TMIGD1: variants seen among roughly 807,000 people sequenced by gnomAD.
TMIGD1 encodes transmembrane and immunoglobulin domain-containing protein 1.
TMIGD1 carries 29 observed loss-of-function variants against 27.5 expected under a neutral mutation model. That is an observed-to-expected ratio of 1.05 (90% CI 0.78 to 1.44). The LOEUF (loss-of-function observed/expected upper bound fraction) is 1.44. TMIGD1 is among the 40% of genes most tolerant of loss of function. The pLI is 0.00. For synonymous variants in TMIGD1, 109 were observed against 110.3 expected (o/e 0.99, Z 0.07); for missense variants, 334 against 310.6 (o/e 1.08, Z -0.57).
At chr17:30,326,132 G>A (rs1437172124) in intron 3 of TMIGD1, among the ~76,000 whole-genome samples, 2 of 152,114 alleles carry the variant, frequency 1.3e-5, no homozygotes, top group African/African-American at 4.8e-5. Flanking sequence ...GAATGAGCTC[G>A]AATTCTGTAT....
chr17:30,317,318 AGGTGTGTGTCCTGTG>A, intron 5 of TMIGD1, 85 bp from the exon 6 acceptor site: 1 of 1,489,236 alleles, frequency 6.7e-7, no homozygotes, highest in Non-Finnish European at 9.3e-7. Context: ...GCTCGAGGAC[AGGTGTGTGTCCTGTG>A]CACACCTCTG....
chr17:30,328,758 C>T (rs940836508), intron 3 of TMIGD1, among the ~76,000 whole-genome samples: 4 of 151,928 alleles, frequency 2.6e-5, no homozygotes, highest in African/African-American at 9.7e-5. Flanking sequence ...GAGCTTGAGA[C>T]CAGCCTGGCC....
intron 1 of TMIGD1, among the ~76,000 whole-genome samples, chr17:30,332,924 C>A (rs1910026556): frequency 6.6e-6 from 1 of 152,092 alleles, no homozygotes; most frequent in Non-Finnish European, 1.5e-5. Context: ...TTACATACAT[C>A]ATTTCAGTCA....
chr17:30,327,766 G>T (rs1597684801), intron 3 of TMIGD1, among the ~76,000 whole-genome samples: 1 of 151,622 alleles, frequency 6.6e-6, no homozygotes. Flanking sequence ...TAGAAATAGG[G>T]TCTCACTATG....
chr17:30,316,759 C>A lies in TMIGD1; in HGVS notation c.786-69G>T, dbSNP rs1208147870. The stretch of plus-strand genomic sequence containing the variant: ...TAAGAAAAAAATTCAAAACAAAACC[C>A]ATACTCTCTGACAACATGCCTTTGT... On this transcript the variant is annotated intron_variant, in intron 6 of 6. Coordinates refer to ENST00000328886, the MANE Select transcript of TMIGD1 (RefSeq NM_206832.3). 6 of 1,435,596 alleles carry A rather than the reference C, an allele frequency of 4.2e-6. No individual in the cohort carries two copies. In the East Asian group the frequency reaches 1.4e-4, roughly 33 times the overall value. The allele number at this position is 1,435,596 out of a possible 1,614,324, so 88.9% of individuals were successfully genotyped here. A position where few individuals can be genotyped will look rare whatever the true frequency, so the allele number is the denominator to read the frequency against.
At chr17:30,320,307 A>G (rs1184096777) in intron 4 of TMIGD1, among the ~76,000 whole-genome samples, 1 of 152,062 alleles carries the variant, frequency 6.6e-6, no homozygotes, top group East Asian at 1.9e-4. Context: ...AAGTGCTTGG[A>G]TTACAGGTAT....
rs146094805 is a variant in TMIGD1 at position 30,329,328 on chromosome 17, T to C, written c.284A>G (p.Asn95Ser). Reference sequence around the variant, plus strand: ...GCAGGTAAAGCTGATTCCGTTGTCATTTTCACTGATGGAAGAGACACAGAC... The same window carrying C: ...GCAGGTAAAGCTGATTCCGTTGTCACTTTCACTGATGGAAGAGACACAGAC... Reference protein sequence around the residue: ...SSVCVSSISENDNGISFTCRL... With the variant: ...SSVCVSSISESDNGISFTCRL... Residue 95 changes from asparagine to serine, a missense_variant, in exon 3 of 7, where the codon AAT becomes AGT. Asn to Ser is a conservative substitution (Grantham distance 46, BLOSUM62 1). Transcript: ENST00000328886. 27 of 1,614,086 alleles carry C rather than the reference T, an allele frequency of 1.7e-5. No individual in the cohort carries two copies. In the African/African-American group the frequency reaches 3.3e-4, roughly 20 times the overall value.
At position 30,324,900 on chromosome 17, in the gene TMIGD1, C is replaced by G. The variant is rs757429740; in HGVS notation, c.556G>C (p.Glu186Gln). 2 of 1,614,168 alleles carry G rather than the reference C, an allele frequency of 1.2e-6. No individual in the cohort carries two copies. Among genetic ancestry groups the G allele is most frequent in the Non-Finnish European group, 8.5e-7 (1 of 1,180,014 alleles). ...CTGTAGGTTCCGTTGTCAGGCTTCT[C>G]GACTTTGGTGATTGACAGCTGAAAA... ...ESFQLSITKV[E>Q]KPDNGTYSCI... The change falls in exon 4 of 7, where the codon GAG becomes CAG. Residue 186 changes from glutamate to glutamine, a missense_variant. By Grantham distance (29) the Glu-to-Gln change is conservative. Coordinates refer to ENST00000328886, the MANE Select transcript of TMIGD1 (RefSeq NM_206832.3).
intron 4 of TMIGD1, among the ~76,000 whole-genome samples, chr17:30,323,248 G>A (rs1278083392): frequency 6.6e-6 from 1 of 152,166 alleles, no homozygotes; most frequent in Non-Finnish European, 1.5e-5. Flanking sequence ...CCCTTGTCCT[G>A]TTTTATGGTC....
chr17:30,317,261 C>T (rs375807285), intron 5 of TMIGD1, 28 bp from the exon 6 acceptor site: 20 of 1,613,762 alleles, frequency 1.2e-5, no homozygotes, highest in Non-Finnish European at 1.5e-5. Context: ...AGTAAATTAG[C>T]CTGCTTTTTA....
chr17:30,331,771 G>T (rs189027715), intron 2 of TMIGD1, among the ~76,000 whole-genome samples: 1 of 152,162 alleles, frequency 6.6e-6, no homozygotes, highest in East Asian at 1.9e-4. Context: ...TGTATTTTTA[G>T]TAGAGATGGG....
intron 4 of TMIGD1, among the ~76,000 whole-genome samples, chr17:30,319,261 A>AAAAAATATATATAT: frequency 5.8e-5 from 4 of 69,046 alleles, no homozygotes; most frequent in African/African-American, 9.1e-5. Flanking sequence ...AAAAAAAAAA[A>AAAAAATATATATAT]ATATATATAT....
Position 30,324,860 on chromosome 17 carries a change from G to T in TMIGD1, c.596C>A (p.Ser199Ter). The change falls in exon 4 of 7, where the codon TCA (serine) becomes TAA (stop). Residue 199 changes from serine to a stop codon, truncating the protein, a stop_gained. Coordinates refer to ENST00000328886, the MANE Select transcript of TMIGD1 (RefSeq NM_206832.3). LOFTEE classifies it high-confidence loss of function. ...DNGTYSCIAK[S>*]SLKTESLDFH... ...GTCCAAGCTCTCCGTTTTCAGAGAT[G>T]ACTTTGCAATACAACTGTAGGTTCC... The T allele has an allele frequency of 6.2e-7, 1 of 1,614,124 alleles. No homozygotes were observed. The highest frequency in any genetic ancestry group is 1.1e-5 in the South Asian group (1 of 91,058).
chr17:30,332,061 C>T lies in TMIGD1; in HGVS notation c.73G>A (p.Glu25Lys), dbSNP rs372429982. ...AAGAACTTTAACTTACTTGTCATCT[C>T]ACGTGGCAGAAATAAAATTACTAAG... is the stretch of plus-strand genomic sequence containing the variant. ...LLLVILFLPREMTSSVLTVNG... is the reference protein window; with the variant it reads ...LLLVILFLPRKMTSSVLTVNG... Residue 25 changes from glutamate to lysine, a missense_variant, in exon 2 of 7, where the codon GAG becomes AAG. Transcript: ENST00000328886. 6.2e-7 allele frequency: 1 copy of T among 1,610,678 alleles called. No individual in the cohort carries two copies. The highest frequency in any genetic ancestry group is 1.3e-5 in the African/African-American group (1 of 74,814).
chr17:30,317,176 C>T lies in TMIGD1; in HGVS notation c.785+17G>A, dbSNP rs188690197. ...CTGCTTATTTAAAAAGCACTGGTCC[C>T]GGCCTAGAGTACTTACAGAGCTGTT... On this transcript the variant is annotated intron_variant, in intron 6 of 6. Transcript: ENST00000328886. 31 of 1,613,808 alleles carry T rather than the reference C, an allele frequency of 1.9e-5. No individual in the cohort carries two copies. The highest frequency in any genetic ancestry group is 1.1e-4 in the East Asian group (5 of 44,880).
At chr17:30,316,948 C>A in intron 6 of TMIGD1, 1 of 625,748 alleles carries the variant, frequency 1.6e-6, no homozygotes, top group Non-Finnish European at 2.8e-6. Context: ...AATGCAGTTG[C>A]ACAAACATTG....
Position 30,316,836 on chromosome 17 carries a change from G to A in TMIGD1, c.786-146C>T, listed in dbSNP as rs1192733320. 5.3e-6 allele frequency: 4 copies of A among 754,118 alleles called. No homozygotes were observed. The East Asian group carries it at 8.0e-5, about 15-fold the overall frequency. 46.7% of individuals were successfully genotyped at this position (754,118 alleles called of 1,614,324 possible). A position where few individuals can be genotyped will look rare whatever the true frequency, so the allele number is the denominator to read the frequency against. ...TATGCTAGAAGCGCTAAACAAAGCT[G>A]CAAAGAGAAGGCAGTATGGGGATGA... is the stretch of plus-strand genomic sequence containing the variant. On this transcript the variant is annotated intron_variant, in intron 6 of 6. Transcript: ENST00000328886.
chr17:30,328,171 A>G (rs1909849414), intron 3 of TMIGD1, among the ~76,000 whole-genome samples: 1 of 151,826 alleles, frequency 6.6e-6, no homozygotes, highest in South Asian at 2.1e-4. Context: ...AGTAGCTGAG[A>G]TTACAGGTGC....
Position 30,329,313 on chromosome 17 carries a change from CTGATTCCGT to C in TMIGD1, c.290_298del (p.Asn97_Ile99del). On this transcript the variant is annotated inframe_deletion, in exon 3 of 7. Coordinates refer to ENST00000328886, the MANE Select transcript of TMIGD1 (RefSeq NM_206832.3). ...ATCCCTCCCCAGCCTGCAGGTAAAGCTGATTCCGTTGTCATTTTCACTGATGGAAGAGAC... is the reference window on the plus strand; with the variant it reads ...ATCCCTCCCCAGCCTGCAGGTAAAGCTGTCATTTTCACTGATGGAAGAGAC... The C allele has an allele frequency of 6.2e-7, 1 of 1,614,108 alleles. No individual in the cohort carries two copies. Among genetic ancestry groups the C allele is most frequent in the Non-Finnish European group, 8.5e-7 (1 of 1,180,028 alleles).
Sources: allele counts gnomAD v4.1 joint callset (sites outside exome capture counted in the v4.1 genomes callset), GRCh38; gene constraint gnomAD v4.1.1; transcripts MANE v1.5; gene names NCBI Gene and HGNC (gene_info 2026-07-23, HGNC 2026-07-21).